Variants in SPRED1 observed in about 807,000 individuals in gnomAD.
SPRED1 encodes sprouty related EVH1 domain containing 1.
A neutral mutation model predicts 52.3 loss-of-function variants in SPRED1; 18 were observed. The ratio of observed to expected loss-of-function variants is 0.34; its 90% CI spans 0.24 to 0.51. The LOEUF is 0.51. Ranked by LOEUF, SPRED1 falls within the 20% of genes least tolerant of loss-of-function variation. SPRED1 has a pLI of 0.97. For synonymous variants in SPRED1, 155 were observed against 179.7 expected (o/e 0.86, Z 1.10); for missense variants, 485 against 551.0 (o/e 0.88, Z 1.20).
chr15:38,331,592 C>T (rs1254234800), intron 4 of SPRED1, among the ~76,000 whole-genome samples: 1 of 152,094 alleles, frequency 6.6e-6, no homozygotes, highest in Non-Finnish European at 1.5e-5. Flanking sequence ...TAAGCACTGA[C>T]ATGTGGCTCA....
intron 5 of SPRED1, among the ~76,000 whole-genome samples, chr15:38,348,880 A>T (rs559131052): frequency 1.3e-5 from 2 of 152,076 alleles, no homozygotes; most frequent in South Asian, 2.1e-4. Context: ...GACACTAAAG[A>T]TTCCTATTTT....
chr15:38,326,469 C>T (rs945360294), intron 4 of SPRED1: 10 of 152,158 alleles, frequency 6.6e-5, no homozygotes, highest in African/African-American at 2.4e-4. Context: ...AAATCCAGGG[C>T]CTTCTTAGAA....
chr15:38,303,202 A>G (rs959784868), intron 2 of SPRED1, among the ~76,000 whole-genome samples: 5 of 151,940 alleles, frequency 3.3e-5, no homozygotes, highest in Admixed American at 2.6e-4. Flanking sequence ...AAAAGAAAAG[A>G]AAGTCTTACT....
intron 1 of SPRED1, among the ~76,000 whole-genome samples, chr15:38,256,793 A>G (rs547414149): frequency 6.6e-6 from 1 of 151,250 alleles, no homozygotes; most frequent in East Asian, 1.9e-4. Context: ...CATACATTTT[A>G]CGTATGTATA....
At position 38,326,696 on chromosome 15, in the gene SPRED1, T is replaced by C. The variant is rs1331618377; in HGVS notation, c.423+1887T>C. On this transcript the variant is annotated intron_variant, in intron 4 of 6. Transcript: ENST00000299084. ...ACCTCTACAAGATTCACAAAGTTTT[T>C]CAAAGCATTATATTGGCAGAAATAC... 3.9e-5 allele frequency among the ~76,000 whole-genome samples: 6 copies of C among 152,312 alleles called. No homozygotes were observed. The East Asian group carries it at 1.2e-3, about 29-fold the overall frequency.
At chr15:38,271,837 G>A (rs1163543315) in intron 1 of SPRED1, among the ~76,000 whole-genome samples, 1 of 152,138 alleles carries the variant, frequency 6.6e-6, no homozygotes, top group Non-Finnish European at 1.5e-5. Context: ...GAGGTTTGGG[G>A]TATGACTGAA....
rs370504163 is a variant in SPRED1, at chr15:38,288,538, C to G, written c.33-10835C>G. ...CTACTCCGAGGAGGATTCTTGTTAG[C>G]TGATGGCTTAGAAAGGAGCAACCGA... On this transcript the variant is annotated intron_variant, in intron 1 of 6. Coordinates refer to ENST00000299084, the MANE Select transcript of SPRED1 (RefSeq NM_152594.3). 2.6e-5 allele frequency among the ~76,000 whole-genome samples: 4 copies of G among 152,236 alleles called. No homozygotes were observed. In the East Asian group the frequency reaches 5.8e-4, roughly 22 times the overall value.
At chr15:38,269,174 C>T (rs1324693904) in intron 1 of SPRED1, among the ~76,000 whole-genome samples, 1 of 152,084 alleles carries the variant, frequency 6.6e-6, no homozygotes, top group African/African-American at 2.4e-5. Context: ...GATCTCCTAA[C>T]CTTGTGATCT....
intron 1 of SPRED1, among the ~76,000 whole-genome samples, chr15:38,285,094 C>G (rs1405781170): frequency 2.0e-5 from 3 of 151,974 alleles, no homozygotes. Flanking sequence ...TGCTGCCTGA[C>G]TGCCCCCTCC....
chr15:38,314,970 A>T (rs1373481856), intron 2 of SPRED1, among the ~76,000 whole-genome samples: 1 of 151,776 alleles, frequency 6.6e-6, no homozygotes, highest in Admixed American at 6.6e-5. Flanking sequence ...CTAAAGTCCC[A>T]CTCAGCTCAG....
intron 1 of SPRED1, among the ~76,000 whole-genome samples, chr15:38,277,895 T>G (rs1024709370): frequency 4.8e-5 from 5 of 103,840 alleles, no homozygotes; most frequent in African/African-American, 1.6e-4. Context: ...TGTTTATGCT[T>G]GTTCATGTAT....
chr15:38,294,730 A>G (rs1894998099), intron 1 of SPRED1, among the ~76,000 whole-genome samples: 2 of 152,362 alleles, frequency 1.3e-5, no homozygotes, highest in South Asian at 4.1e-4. Context: ...ATCCAAATTT[A>G]GGAAACTGAT....
chr15:38,285,374 T>A (rs1894783869), intron 1 of SPRED1, among the ~76,000 whole-genome samples: 1 of 152,116 alleles, frequency 6.6e-6, no homozygotes, highest in Non-Finnish European at 1.5e-5. Flanking sequence ...GACTACATGG[T>A]ATGGATGGCA....
At position 38,355,247 on chromosome 15, in the gene SPRED1, C is replaced by G. The variant is rs566802137; in HGVS notation, c.*3583C>G. On this transcript the variant is annotated 3_prime_UTR_variant, in exon 7 of 7. Transcript: ENST00000299084. ...CTGGGATTACAGGCATGAGCTACTG[C>G]GCCCAGCCGTGTGTATGTTTCTGAA... 6.6e-6 allele frequency: 1 copy of G among 152,416 alleles called. No individual in the cohort carries two copies. The highest frequency in any genetic ancestry group is 2.1e-4 in the South Asian group (1 of 4,824). 9.4% of individuals were successfully genotyped at this position (152,416 alleles called of 1,614,324 possible). A position where few individuals can be genotyped will look rare whatever the true frequency, so the allele number is the denominator to read the frequency against.
At chr15:38,262,497 A>G (rs958051241) in intron 1 of SPRED1, among the ~76,000 whole-genome samples, 7 of 152,194 alleles carry the variant, frequency 4.6e-5, no homozygotes, top group African/African-American at 1.7e-4. Flanking sequence ...CCAACCAGGA[A>G]GAGAGGGGGC....
rs147075186 is a variant in SPRED1, at chr15:38,252,854, G to A, written c.-332G>A. ...GGACCCCGCTGCGCTCCACCCCAGT[G>A]GCTGGAGGAGCAGCTCTCCAGTCAG... On this transcript the variant is annotated 5_prime_UTR_variant, in exon 1 of 7. Transcript: ENST00000299084. The A allele has an allele frequency of 2.9e-3, 1,213 of 419,478 alleles. 6 individuals carry two copies. The highest frequency in any genetic ancestry group is 0.023 in the African/African-American group (1,104 of 48,392). 26.0% of individuals were successfully genotyped at this position (419,478 alleles called of 1,614,324 possible). A position where few individuals can be genotyped will look rare whatever the true frequency, so the allele number is the denominator to read the frequency against.
At chr15:38,332,971 A>T (rs1895835016) in intron 4 of SPRED1, among the ~76,000 whole-genome samples, 1 of 152,156 alleles carries the variant, frequency 6.6e-6, no homozygotes, top group Non-Finnish European at 1.5e-5. Context: ...ACAGGACAGC[A>T]CTCTGGAGTC....
At chr15:38,260,982 G>A (rs1450073444) in intron 1 of SPRED1, among the ~76,000 whole-genome samples, 4 of 152,174 alleles carry the variant, frequency 2.6e-5, no homozygotes, top group Non-Finnish European at 4.4e-5. Context: ...AAATTTTTAA[G>A]AACTAGCAAA....
Position 38,343,590 on chromosome 15 carries a change from G to A in SPRED1, c.582+3695G>A, listed in dbSNP as rs1017645329. 3.3e-5 allele frequency among the ~76,000 whole-genome samples: 5 copies of A among 152,092 alleles called. 1 individual carries two copies. The highest frequency in any genetic ancestry group is 5.9e-5 in the Non-Finnish European group (4 of 67,980). On this transcript the variant is annotated intron_variant, in intron 5 of 6. Transcript: ENST00000299084. ...ATTCTTGTCCTAAAGTCTTAAAAGT[G>A]AGTAGAGAGAGAACAAAAAAACTTC...
Sources: gnomAD v4.1 joint callset for allele counts (sites outside exome capture counted in the v4.1 genomes callset) on GRCh38, gnomAD v4.1.1 for gene constraint, MANE v1.5 for transcripts, NCBI Gene and HGNC (gene_info 2026-07-23, HGNC 2026-07-21) for gene names.